Variants in ABCA12 observed in about 807,000 individuals in gnomAD.
The protein encoded by ABCA12 is glucosylceramide transporter ABCA12.
In ABCA12, 156 loss-of-function variants were observed where a neutral mutation model predicts 293.5. That is an observed-to-expected ratio of 0.53 (90% CI 0.47 to 0.61). The LOEUF (loss-of-function observed/expected upper bound fraction) is 0.61, where lower values mean the gene tolerates loss of function less well. Ranked by LOEUF, ABCA12 falls within the 20% of genes least tolerant of loss-of-function variation. The pLI is 0.00. For missense variants in ABCA12, 2,797 were observed against 3,090.2 expected, an observed-to-expected ratio of 0.91 and a Z score of 2.25; for synonymous variants, 1,063 against 1,108.0, an observed-to-expected ratio of 0.96 and a Z score of 0.81.
Position 215,001,203 on chromosome 2 carries a change from C to T in ABCA12, c.2864-183G>A, listed in dbSNP as rs188632770. Among the ~76,000 whole-genome samples the T allele has an allele frequency of 3.1e-4, 47 of 152,222 alleles. No individual in the cohort carries two copies. In the East Asian group the frequency reaches 7.1e-3, roughly 23 times the overall value. On this transcript the variant is annotated intron_variant, in intron 21 of 52. Transcript: ENST00000272895. The stretch of plus-strand genomic sequence containing the variant: ...AGGTGTCAACCTCAGAAATTCAAAG[C>T]TGGAGTTTAAGAATATAATCACCAA...
intron 2 of ABCA12, among the ~76,000 whole-genome samples, chr2:215,108,535 G>A (rs1483962502): frequency 1.3e-5 from 2 of 152,124 alleles, no homozygotes; most frequent in African/African-American, 4.8e-5. Flanking sequence ...AGTTACTTAA[G>A]TTCTCTGTGC....
intron 2 of ABCA12, among the ~76,000 whole-genome samples, chr2:215,071,912 A>G (rs1701745388): frequency 6.6e-6 from 1 of 152,224 alleles, no homozygotes; most frequent in Admixed American, 6.5e-5. Context: ...ATGTACCTGT[A>G]TCAACCGCTG....
chr2:215,010,555 A>T, intron 17 of ABCA12, 85 bp from the exon 18 acceptor site: 1 of 1,445,474 alleles, frequency 6.9e-7, no homozygotes, highest in Non-Finnish European at 9.5e-7. Flanking sequence ...GATTATTCTT[A>T]TCACACCCAA....
At chr2:214,937,176 T>C (rs1197193447) in intron 51 of ABCA12, among the ~76,000 whole-genome samples, 1 of 151,900 alleles carries the variant, frequency 6.6e-6, no homozygotes, top group Non-Finnish European at 1.5e-5. Flanking sequence ...ATCACTTACA[T>C]TGTTGGTTTT....
intron 1 of ABCA12, among the ~76,000 whole-genome samples, chr2:215,119,752 A>AAAAAAAAAAAAC (rs1203424589): frequency 6.3e-5 from 9 of 142,964 alleles, no homozygotes; most frequent in African/African-American, 2.6e-4. Context: ...AAAAAAAAAA[A>AAAAAAAAAAAAC]TGAAAACAAA....
chr2:215,121,807 T>TC (rs1475096780), intron 1 of ABCA12, among the ~76,000 whole-genome samples: 2 of 152,150 alleles, frequency 1.3e-5, no homozygotes, highest in East Asian at 1.9e-4. Flanking sequence ...AAATGGGACT[T>TC]CCCCTGCACA....
Position 215,010,427 on chromosome 2 carries a change from G to C in ABCA12, c.2376C>G (p.Pro792=). 4 of 1,613,724 alleles carry C rather than the reference G, an allele frequency of 2.5e-6. No homozygotes were observed. The highest frequency in any genetic ancestry group is 3.4e-6 in the Non-Finnish European group (4 of 1,179,748). ...AGAAAGCCCAAATCACAGGTCCAGC[G>C]GGCATGTTAATGATGTCTTTATAAA... ...FSLYKDIINM[P]AGPVIWAFLK... The change falls in exon 18 of 53, where the codon CCC becomes CCG. Residue 792 remains proline, a synonymous_variant. Coordinates refer to ENST00000272895, the MANE Select transcript of ABCA12 (RefSeq NM_173076.3).
chr2:215,048,069 A>T (rs927165350), intron 6 of ABCA12, among the ~76,000 whole-genome samples: 1 of 152,184 alleles, frequency 6.6e-6, no homozygotes, highest in Non-Finnish European at 1.5e-5. Context: ...TATGAAAAAA[A>T]GCTCAATATC....
In ABCA12 at chr2:214,968,699, A is replaced by C. The variant is rs1417858555; in HGVS notation, c.5778+21T>G. ...CACCTTCTCATTTGTATAACATTCCAGAAAAAAGATCAAAATTTACCTTGG... is the reference window on the plus strand; with the variant it reads ...CACCTTCTCATTTGTATAACATTCCCGAAAAAAGATCAAAATTTACCTTGG... On this transcript the variant is annotated intron_variant, in intron 38 of 52. Transcript: ENST00000272895. The C allele has an allele frequency of 2.5e-6, 4 of 1,607,670 alleles. No homozygotes were observed. In the Admixed American group the frequency reaches 6.7e-5, roughly 27 times the overall value.
chr2:215,087,508 GCA>G (rs1462248856), intron 2 of ABCA12, among the ~76,000 whole-genome samples: 35 of 134,732 alleles, frequency 2.6e-4, no homozygotes, highest in African/African-American at 1.1e-3. Context: ...GTGTGTGTGT[GCA>G]TGTGTGTGTG....
chr2:214,934,296 C>G, intron 51 of ABCA12, 81 bp from the exon 52 acceptor site: 1 of 1,510,420 alleles, frequency 6.6e-7, no homozygotes, highest in Non-Finnish European at 9.2e-7. Flanking sequence ...ACCAAGAGTT[C>G]AGGAAAATAA....
chr2:214,986,513 T>C (rs1381645502), intron 28 of ABCA12, 29 bp downstream of exon 28: 2 of 1,604,222 alleles, frequency 1.2e-6, no homozygotes, highest in Admixed American at 1.7e-5. Flanking sequence ...CATGCTTCCA[T>C]GGCAATAAAT....
chr2:215,134,331 T>C (rs140739989), intron 1 of ABCA12, among the ~76,000 whole-genome samples: 5,508 of 146,280 alleles, frequency 0.038, 147 homozygotes, highest in African/African-American at 0.052. Context: ...TGTATATATG[T>C]ACATATATAT....
At chr2:214,963,794 C>T (rs1252703558) in intron 39 of ABCA12, among the ~76,000 whole-genome samples, 2 of 151,480 alleles carry the variant, frequency 1.3e-5, no homozygotes, top group Non-Finnish European at 2.9e-5. Context: ...GTGGCAGGCA[C>T]CTGTAATCCC....
rs1432650554 is a variant in ABCA12, at chr2:215,061,725, A to G, written c.317+2341T>C. 8.0e-5 allele frequency among the ~76,000 whole-genome samples: 12 copies of G among 149,978 alleles called. No individual in the cohort carries two copies. In the Admixed American group the frequency reaches 8.0e-4, roughly 10 times the overall value. On this transcript the variant is annotated intron_variant, in intron 3 of 52. Transcript: ENST00000272895. ...CAGCAATATACAACTTGAGCTAGATAAACTACCTGGAGGTAAAACTAAAAT... is the reference window on the plus strand; with the variant it reads ...CAGCAATATACAACTTGAGCTAGATGAACTACCTGGAGGTAAAACTAAAAT...
chr2:215,105,415 G>A (rs892967497), intron 2 of ABCA12, among the ~76,000 whole-genome samples: 2 of 152,040 alleles, frequency 1.3e-5, no homozygotes, highest in African/African-American at 4.8e-5. Context: ...CTTAAGCACA[G>A]GCATTCTACT....
intron 43 of ABCA12, among the ~76,000 whole-genome samples, chr2:214,954,763 A>G (rs1410437235): frequency 1.3e-5 from 2 of 152,178 alleles, no homozygotes; most frequent in African/African-American, 4.8e-5. Context: ...GATGCTTACA[A>G]TGAAGTAGTC....
At chr2:215,119,183 C>T (rs1403880132) in intron 1 of ABCA12, among the ~76,000 whole-genome samples, 2 of 152,132 alleles carry the variant, frequency 1.3e-5, no homozygotes, top group Non-Finnish European at 2.9e-5. Flanking sequence ...GTTGACCAGG[C>T]TGGTCTTGAA....
chr2:215,070,347 ATTCT>A (rs1252535670), intron 2 of ABCA12, among the ~76,000 whole-genome samples: 1 of 152,054 alleles, frequency 6.6e-6, no homozygotes, highest in Non-Finnish European at 1.5e-5. Flanking sequence ...AGTAGGGTTC[ATTCT>A]TCTATTTTTT....
Sources: gnomAD v4.1 joint callset for allele counts (sites outside exome capture counted in the v4.1 genomes callset) on GRCh38, gnomAD v4.1.1 for gene constraint, MANE v1.5 for transcripts, NCBI Gene and HGNC (gene_info 2026-07-23, HGNC 2026-07-21) for gene names.